Variants in MAP4K3 observed in about 807,000 individuals in gnomAD.
The protein encoded by MAP4K3 is mitogen-activated protein kinase kinase kinase kinase 3, also known as MAPK/ERK kinase kinase kinase 3.
In MAP4K3, 94 loss-of-function variants were observed where a neutral mutation model predicts 143.5. That is an observed-to-expected ratio of 0.65 (90% CI 0.55 to 0.78). The LOEUF is 0.78. Ranked by LOEUF, MAP4K3 falls within the 30% of genes least tolerant of loss-of-function variation. The probability of loss-of-function intolerance (pLI) is 0.00; values close to 1 mark genes in which losing one functional copy is unlikely to be tolerated. For missense variants in MAP4K3, 1,077 were observed against 1,068.1 expected (o/e 1.01, Z -0.12); for synonymous variants, 416 against 347.2 (o/e 1.20, Z -2.20).
At position 39,272,442 on chromosome 2, in the gene MAP4K3, T is replaced by C. The variant is rs531749283; in HGVS notation, c.1855+40A>G. On this transcript the variant is annotated intron_variant, in intron 25 of 33. Transcript: ENST00000263881. ...ATATGACATAAAAGCTAATAATAAATAGTAACAATTGTAAGGTATTTAAAA... is the reference window on the plus strand; with the variant it reads ...ATATGACATAAAAGCTAATAATAAACAGTAACAATTGTAAGGTATTTAAAA... 6.9e-6 allele frequency: 11 copies of C among 1,599,904 alleles called. No individual in the cohort carries two copies. The African/African-American group carries it at 1.5e-4, about 21-fold the overall frequency.
intron 1 of MAP4K3, among the ~76,000 whole-genome samples, chr2:39,381,807 G>A (rs112431794): frequency 6.6e-6 from 1 of 152,090 alleles, no homozygotes; most frequent in Admixed American, 6.6e-5. Flanking sequence ...CTATTCCCCA[G>A]AGCCATCCAC....
At chr2:39,274,287 G>A (rs1467234078) in intron 24 of MAP4K3, among the ~76,000 whole-genome samples, 4 of 149,398 alleles carry the variant, frequency 2.7e-5, no homozygotes, top group Non-Finnish European at 4.4e-5. Flanking sequence ...CGCGATCTCC[G>A]CTCACTGCAA....
chr2:39,277,938 G>T (rs1490239972), intron 24 of MAP4K3, among the ~76,000 whole-genome samples: 1 of 151,842 alleles, frequency 6.6e-6, no homozygotes, highest in Non-Finnish European at 1.5e-5. Context: ...CTTGAGGCCA[G>T]GAGTTCCAGA....
At chr2:39,362,842 G>A (rs969945673) in intron 2 of MAP4K3, among the ~76,000 whole-genome samples, 1 of 152,130 alleles carries the variant, frequency 6.6e-6, no homozygotes, top group Non-Finnish European at 1.5e-5. Flanking sequence ...CTGGCATAAA[G>A]ACAGACATAT....
At chr2:39,434,842 AGC>A (rs1355415595) in intron 1 of MAP4K3, among the ~76,000 whole-genome samples, 4 of 152,254 alleles carry the variant, frequency 2.6e-5, no homozygotes, top group Non-Finnish European at 4.4e-5. Context: ...GCAAGTAACA[AGC>A]ATTCCATAAA....
At chr2:39,411,806 T>C (rs1048517070) in intron 1 of MAP4K3, among the ~76,000 whole-genome samples, 1 of 152,176 alleles carries the variant, frequency 6.6e-6, no homozygotes, top group Non-Finnish European at 1.5e-5. Context: ...CTAAACGTAA[T>C]GGCTTGAGGT....
chr2:39,298,095 C>T (rs1340756172), intron 16 of MAP4K3, among the ~76,000 whole-genome samples: 1 of 151,982 alleles, frequency 6.6e-6, no homozygotes, highest in African/African-American at 2.4e-5. Flanking sequence ...ATTTCAGTCT[C>T]TTAAAATACA....
At chr2:39,333,648 C>A (rs569906066) in intron 6 of MAP4K3, 74 bp from the exon 7 acceptor site, 8 of 763,538 alleles carry the variant, frequency 1.0e-5, no homozygotes, top group Non-Finnish European at 1.7e-5. Flanking sequence ...AATAAATATA[C>A]ATATTTAAAA....
chr2:39,375,463 C>A (rs1666193848), intron 2 of MAP4K3, among the ~76,000 whole-genome samples: 1 of 151,928 alleles, frequency 6.6e-6, no homozygotes, highest in African/African-American at 2.4e-5. Context: ...GATAAATGAT[C>A]GAGTTACTTC....
intron 1 of MAP4K3, among the ~76,000 whole-genome samples, chr2:39,418,297 C>T (rs988031578): frequency 1.3e-5 from 2 of 151,450 alleles, no homozygotes; most frequent in African/African-American, 4.9e-5. Context: ...GCAATCTGGG[C>T]AACAAAATAA....
At chr2:39,254,840 A>C (rs189468207) in intron 31 of MAP4K3, among the ~76,000 whole-genome samples, 254 of 152,282 alleles carry the variant, frequency 1.7e-3, no homozygotes, top group Non-Finnish European at 2.6e-3. Flanking sequence ...TCGCCCTCCC[A>C]AAGTGCCAGG....
chr2:39,390,453 C>G (rs1050524227), intron 1 of MAP4K3, among the ~76,000 whole-genome samples: 1 of 152,138 alleles, frequency 6.6e-6, no homozygotes, highest in African/African-American at 2.4e-5. Context: ...CTGAGGTGAG[C>G]CCCAGGAACC....
rs1225540281 is a variant in MAP4K3, at chr2:39,253,302, T to G, written c.2541+1148A>C. Among the ~76,000 whole-genome samples, 5 of 152,054 alleles carry G rather than the reference T, an allele frequency of 3.3e-5. No homozygotes were observed. In the East Asian group the frequency reaches 7.7e-4, roughly 23 times the overall value. ...GCACGCGCCACCACGCCTGGCTAAT[T>G]TTTCTATTTTTAGTACAGACGAGGT... On this transcript the variant is annotated intron_variant, in intron 32 of 33. Transcript: ENST00000263881.
chr2:39,292,327 G>C (rs940951732), intron 18 of MAP4K3, among the ~76,000 whole-genome samples: 1 of 152,136 alleles, frequency 6.6e-6, no homozygotes, highest in African/African-American at 2.4e-5. Context: ...TTAGAGATGG[G>C]TTTTTAGGAA....
intron 5 of MAP4K3, 56 bp from the exon 6 acceptor site, chr2:39,337,023 G>T: frequency 2.3e-6 from 2 of 863,668 alleles, no homozygotes; most frequent in Admixed American, 2.4e-5. Context: ...GCACTCTTTT[G>T]GATTTTATGT....
intron 1 of MAP4K3, among the ~76,000 whole-genome samples, chr2:39,381,780 C>A (rs750701973): frequency 2.6e-5 from 4 of 152,174 alleles, no homozygotes; most frequent in Non-Finnish European, 5.9e-5. Context: ...TATCCTCTGG[C>A]CAAACTAAAC....
intron 1 of MAP4K3, among the ~76,000 whole-genome samples, chr2:39,422,397 G>A (rs1399082094): frequency 1.3e-5 from 2 of 152,036 alleles, no homozygotes; most frequent in African/African-American, 4.8e-5. Context: ...TTTGGAAACA[G>A]AGGAAAGACC....
chr2:39,360,097 A>G (rs1243934237), intron 2 of MAP4K3, among the ~76,000 whole-genome samples: 1 of 152,218 alleles, frequency 6.6e-6, no homozygotes, highest in Non-Finnish European at 1.5e-5. Flanking sequence ...CAAATTTTCC[A>G]AACTTTTATG....
At chr2:39,347,544 TAA>T (rs1665328129) in intron 3 of MAP4K3, among the ~76,000 whole-genome samples, 1 of 152,176 alleles carries the variant, frequency 6.6e-6, no homozygotes, top group South Asian at 2.1e-4. Context: ...ACAATAAATG[TAA>T]GTTGTTTTCT....
Sources: allele counts gnomAD v4.1 joint callset (sites outside exome capture counted in the v4.1 genomes callset), GRCh38; gene constraint gnomAD v4.1.1; transcripts MANE v1.5; gene names NCBI Gene and HGNC (gene_info 2026-07-23, HGNC 2026-07-21).